The following ZSCAN1 variants were observed in gnomAD, a reference collection of about 807,000 sequenced individuals.
ZSCAN1 encodes zinc finger and SCAN domain containing 1, also known as zinc finger and SCAN domain-containing protein 1.
Under a neutral mutation model 23.8 loss-of-function variants are expected in ZSCAN1, and 23 were observed. The ratio of observed to expected loss-of-function variants is 0.97; its 90% CI spans 0.70 to 1.37. The LOEUF (loss-of-function observed/expected upper bound fraction) is 1.37. Among genes scored for constraint, ZSCAN1 ranks in the 40% most tolerant of loss-of-function variants. The pLI is 0.00. For missense variants in ZSCAN1, 575 were observed against 554.0 expected (o/e 1.04, Z -0.38); for synonymous variants, 236 against 232.3 (o/e 1.02, Z -0.15).
chr19:58,044,802 T>A, intron 4 of ZSCAN1: 1 of 728,178 alleles, frequency 1.4e-6, no homozygotes, highest in South Asian at 1.5e-5. Flanking sequence ...ACCTCAGCTG[T>A]TGGACTCTGA....
Position 58,040,392 on chromosome 19 carries a change from G to C in ZSCAN1, c.371-58G>C. Reference sequence around the variant, plus strand: ...AAGTCTGCCCTCCCCAGAAGGCCTGGAGAATTGGGGGCTCTGGGAAGAACA... The same window carrying C: ...AAGTCTGCCCTCCCCAGAAGGCCTGCAGAATTGGGGGCTCTGGGAAGAACA... On this transcript the variant is annotated intron_variant, in intron 3 of 5. Coordinates refer to ENST00000282326, the MANE Select transcript of ZSCAN1 (RefSeq NM_182572.4). The surrounding 1 kb of genome is among the most constrained non-coding windows in gnomAD (Gnocchi z 5.8). The C allele has an allele frequency of 6.3e-7, 1 of 1,585,628 alleles. No individual in the cohort carries two copies. Among genetic ancestry groups the C allele is most frequent in the East Asian group, 2.2e-5 (1 of 44,626 alleles).
intron 4 of ZSCAN1, among the ~76,000 whole-genome samples, chr19:58,041,180 T>A (rs1295340805): frequency 6.6e-6 from 1 of 152,248 alleles, no homozygotes; most frequent in Admixed American, 6.5e-5. Context: ...ACTTTCTGCC[T>A]CTGGATCTTG....
chr19:58,050,307 G>A (rs1275406404), intron 4 of ZSCAN1, among the ~76,000 whole-genome samples: 1 of 151,612 alleles, frequency 6.6e-6, no homozygotes, highest in South Asian at 2.1e-4. Context: ...GTGGTGGCAC[G>A]TGCCTATAGT....
At position 58,049,584 on chromosome 19, in the gene ZSCAN1, A is replaced by G. The variant is rs1390645974; in HGVS notation, c.466-2906A>G. Among the ~76,000 whole-genome samples, 1 of 152,138 alleles carries G rather than the reference A, an allele frequency of 6.6e-6. No individual in the cohort carries two copies. Among genetic ancestry groups the G allele is most frequent in the African/African-American group, 2.4e-5 (1 of 41,424 alleles). On this transcript the variant is annotated intron_variant, in intron 4 of 5. Coordinates refer to ENST00000282326, the MANE Select transcript of ZSCAN1 (RefSeq NM_182572.4). This position sits in a 1 kb window ranked among gnomAD's most constrained non-coding sequence, Gnocchi z 4.5. ...GAGATCACTGTGGTGTGTGTGGTCC[A>G]TTGTTGACTGAAACACCATTACCCC... is the stretch of plus-strand genomic sequence containing the variant.
intron 2 of ZSCAN1, among the ~76,000 whole-genome samples, chr19:58,037,047 C>T (rs971089228): frequency 3.3e-5 from 5 of 152,128 alleles, no homozygotes; most frequent in African/African-American, 9.7e-5. Flanking sequence ...TCCAGTCTCC[C>T]TTGCCCTCTT....
chr19:58,036,866 A>G (rs1431282433), intron 2 of ZSCAN1, among the ~76,000 whole-genome samples: 1 of 151,988 alleles, frequency 6.6e-6, no homozygotes, highest in Non-Finnish European at 1.5e-5. Context: ...TTGTATTTTT[A>G]GTAGACGGGG....
chr19:58,042,376 G>A (rs2073795962), intron 4 of ZSCAN1, among the ~76,000 whole-genome samples: 1 of 151,788 alleles, frequency 6.6e-6, no homozygotes, highest in African/African-American at 2.4e-5. Flanking sequence ...TCCTGCCTCA[G>A]CCTCCGGAGT....
Position 58,044,681 on chromosome 19 carries a change from G to A in ZSCAN1, c.465+4137G>A, listed in dbSNP as rs896223382. The A allele has an allele frequency of 7.0e-5, 56 of 796,812 alleles. No individual in the cohort carries two copies. The African/African-American group carries it at 8.8e-4, about 13-fold the overall frequency. The allele number at this position is 796,812 out of a possible 1,614,324, so 49.4% of individuals were successfully genotyped here. ...CACCGCCCCGCGGGGTAGTCCGGGGGATCCTGCTCATCTCAGCTTGCCAGC... is the reference window on the plus strand; with the variant it reads ...CACCGCCCCGCGGGGTAGTCCGGGGAATCCTGCTCATCTCAGCTTGCCAGC... On this transcript the variant is annotated intron_variant, in intron 4 of 5. Transcript: ENST00000282326.
intron 4 of ZSCAN1, chr19:58,046,232 A>C (rs2073824868): frequency 1.3e-6 from 1 of 772,396 alleles, no homozygotes; most frequent in East Asian, 2.4e-5. Context: ...AAGCTGCAGG[A>C]ACAGAAGAAG....
downstream of ZSCAN1, among the ~76,000 whole-genome samples, chr19:58,055,360 T>C (rs549077508): frequency 2.0e-5 from 3 of 152,286 alleles, no homozygotes; most frequent in East Asian, 5.8e-4. Context: ...TTCTCACGCT[T>C]GCCTTCTCGG....
intron 2 of ZSCAN1, among the ~76,000 whole-genome samples, chr19:58,036,274 C>T (rs994534076): frequency 2.6e-5 from 4 of 152,108 alleles, no homozygotes; most frequent in African/African-American, 9.7e-5. Flanking sequence ...GCCTGAATCT[C>T]GCATCTTGCA....
chr19:58,046,720 G>A, intron 4 of ZSCAN1: 1 of 804,988 alleles, frequency 1.2e-6, no homozygotes, highest in Non-Finnish European at 2.2e-6. Context: ...AGAGGAGAAA[G>A]GGTGGAGAAG....
intron 4 of ZSCAN1, among the ~76,000 whole-genome samples, chr19:58,041,184 G>T (rs2073786634): frequency 6.6e-6 from 1 of 152,254 alleles, no homozygotes; most frequent in South Asian, 2.1e-4. Flanking sequence ...TCTGCCTCTG[G>T]ATCTTGGTAT....
intron 2 of ZSCAN1, among the ~76,000 whole-genome samples, chr19:58,036,876 G>C (rs1426658457): frequency 2.0e-5 from 3 of 152,072 alleles, no homozygotes; most frequent in South Asian, 2.1e-4. Flanking sequence ...AGTAGACGGG[G>C]TTTCGCCATG....
intron 4 of ZSCAN1, among the ~76,000 whole-genome samples, chr19:58,042,756 T>C (rs542234562): frequency 6.6e-6 from 1 of 152,246 alleles, no homozygotes; most frequent in Non-Finnish European, 1.5e-5. Flanking sequence ...ACAGCCGCGC[T>C]CACAGGCCAT....
At chr19:58,036,972 C>T (rs1427591102) in intron 2 of ZSCAN1, among the ~76,000 whole-genome samples, 4 of 152,152 alleles carry the variant, frequency 2.6e-5, no homozygotes, top group African/African-American at 4.8e-5. Flanking sequence ...GTGTGAGCCA[C>T]GGCACCCGGC....
chr19:58,037,531 G>C (rs1220567648), intron 2 of ZSCAN1, among the ~76,000 whole-genome samples, 197 bp from the exon 3 acceptor site: 1 of 152,134 alleles, frequency 6.6e-6, no homozygotes, highest in East Asian at 1.9e-4. Context: ...AAAGGTCCTG[G>C]GGCAGCCAGT....
rs775691580 is a variant in ZSCAN1 at position 58,054,163 on chromosome 19, C to A, written c.*112C>A. The A allele has an allele frequency of 3.7e-6, 5 of 1,357,276 alleles. No homozygotes were observed. Among genetic ancestry groups the A allele is most frequent in the Non-Finnish European group, 4.8e-6 (5 of 1,031,490 alleles). The allele number at this position is 1,357,276 out of a possible 1,614,324, so 84.1% of individuals were successfully genotyped here. On this transcript the variant is annotated 3_prime_UTR_variant, in exon 6 of 6. Transcript: ENST00000282326. The surrounding 1 kb of genome is among the most constrained non-coding windows in gnomAD (Gnocchi z 4.2). ...CCACCAACCCCTGGCCACCTTGGGA[C>A]TCCTCTTGAAGGACACAAGCTGTTT...
chr19:58,038,446 G>A (rs900162649), intron 3 of ZSCAN1: 13 of 615,358 alleles, frequency 2.1e-5, no homozygotes, highest in Non-Finnish European at 3.4e-5. Context: ...TTTCCCATGC[G>A]TCCATCTGTC....
Sources: allele counts gnomAD v4.1 joint callset (sites outside exome capture counted in the v4.1 genomes callset), GRCh38; gene constraint gnomAD v4.1.1; non-coding constraint Gnocchi (gnomAD v3.1); transcripts MANE v1.5; gene names NCBI Gene and HGNC (gene_info 2026-07-23, HGNC 2026-07-21).